PCDH11X: variants seen among roughly 807,000 people sequenced by gnomAD.
PCDH11X encodes the protein protocadherin-11 X-linked.
PCDH11X carries 18 observed loss-of-function variants against 53.3 expected under a neutral mutation model. That is an observed-to-expected ratio of 0.34 (90% CI 0.23 to 0.50). The LOEUF (loss-of-function observed/expected upper bound fraction) is 0.50. Ranked by LOEUF, PCDH11X falls within the 20% of genes least tolerant of loss-of-function variation. The pLI is 0.98. For missense variants in PCDH11X, 570 were observed against 1,032.4 expected (o/e 0.55, Z 6.14); for synonymous variants, 279 against 393.3 (o/e 0.71, Z 3.44).
intron 8 of PCDH11X, among the ~76,000 whole-genome samples, chrX:92,363,945 G>C (rs2070402657): frequency 9.0e-6 from 1 of 111,217 alleles, no homozygotes; most frequent in Non-Finnish European, 1.9e-5. Flanking sequence ...ATTCTGTTAG[G>C]TGGTATAGTA....
At chrX:92,158,468 C>T (rs1056556352) in intron 6 of PCDH11X, among the ~76,000 whole-genome samples, 8 of 108,194 alleles carry the variant, frequency 7.4e-5, no homozygotes, top group Admixed American at 2.0e-4. Context: ...TTAGATCATG[C>T]CACTGCACTC....
intron 5 of PCDH11X, among the ~76,000 whole-genome samples, chrX:91,853,390 A>T (rs1412586919): frequency 2.8e-5 from 3 of 108,914 alleles, no homozygotes. Context: ...ATGTTAATCA[A>T]ATATGAATGT....
intron 6 of PCDH11X, among the ~76,000 whole-genome samples, chrX:92,175,036 CG>C (rs2065883268): frequency 9.1e-6 from 1 of 110,395 alleles, no homozygotes; most frequent in Admixed American, 9.7e-5. Flanking sequence ...AGTGCAGTGG[CG>C]CCATCTTGGC....
chrX:92,272,350 A>G (rs988205633), intron 8 of PCDH11X, among the ~76,000 whole-genome samples: 4 of 111,707 alleles, frequency 3.6e-5, no homozygotes, highest in Non-Finnish European at 7.5e-5. Flanking sequence ...TCCTCGTTAT[A>G]CATTTAATAT....
At chrX:92,100,436 T>TGG (rs1341587583) in intron 6 of PCDH11X, among the ~76,000 whole-genome samples, 10 of 104,909 alleles carry the variant, frequency 9.5e-5, no homozygotes, top group African/African-American at 3.6e-4. Context: ...CGGGTAGGAG[T>TGG]GGGGGTCGCA....
chrX:91,939,698 T>TTA (rs1268103127), intron 6 of PCDH11X, among the ~76,000 whole-genome samples: 1 of 110,095 alleles, frequency 9.1e-6, no homozygotes, highest in Non-Finnish European at 1.9e-5. Context: ...AGGGCTGTCT[T>TTA]TAAAGTGCTG....
At chrX:92,241,701 C>A (rs1425955743) in intron 7 of PCDH11X, among the ~76,000 whole-genome samples, 4 of 111,808 alleles carry the variant, frequency 3.6e-5, no homozygotes, top group Non-Finnish European at 7.5e-5. Context: ...TCAGACATGA[C>A]AACTTGTTGG....
At chrX:92,307,761 G>C (rs1024936567) in intron 8 of PCDH11X, among the ~76,000 whole-genome samples, 1 of 98,107 alleles carries the variant, frequency 1.0e-5, no homozygotes, top group Non-Finnish European at 2.0e-5. Flanking sequence ...GCCTCAAGTT[G>C]TGAAAGTTCT....
chrX:92,248,406 C>T (rs2067392348), intron 7 of PCDH11X, among the ~76,000 whole-genome samples: 1 of 111,061 alleles, frequency 9.0e-6, no homozygotes, highest in Admixed American at 9.6e-5. Flanking sequence ...ACTTAAGGCC[C>T]ATACTAATGA....
intron 6 of PCDH11X, among the ~76,000 whole-genome samples, chrX:92,026,973 A>C (rs1282497169): frequency 1.0e-5 from 1 of 97,858 alleles, no homozygotes. Flanking sequence ...TGGGAATGTG[A>C]ATGTGATGAC....
chrX:91,861,614 C>A (rs1174633123), intron 5 of PCDH11X, among the ~76,000 whole-genome samples: 1 of 111,220 alleles, frequency 9.0e-6, no homozygotes, highest in Non-Finnish European at 1.9e-5. Flanking sequence ...ACTTGGTCAT[C>A]TTAGTCAGTC....
At chrX:92,216,250 C>A in intron 7 of PCDH11X, among the ~76,000 whole-genome samples, 1 of 110,899 alleles carries the variant, frequency 9.0e-6, no homozygotes, top group Middle Eastern at 4.7e-3. Flanking sequence ...GATCAAACTA[C>A]TCCGAGCTAC....
At chrX:92,262,076 A>G (rs976767514) in intron 7 of PCDH11X, among the ~76,000 whole-genome samples, 2 of 111,112 alleles carry the variant, frequency 1.8e-5, no homozygotes, top group South Asian at 7.5e-4. Context: ...TTGTAAACTC[A>G]AGTTATGTTA....
intron 6 of PCDH11X, among the ~76,000 whole-genome samples, chrX:92,104,542 A>C (rs1349471515): frequency 9.0e-6 from 1 of 111,173 alleles, no homozygotes; most frequent in Non-Finnish European, 1.9e-5. Context: ...TTTTCTGGCT[A>C]TTTGGAACTA....
chrX:92,602,915 C>T (rs867031862), intron 10 of PCDH11X, among the ~76,000 whole-genome samples: 2 of 83,710 alleles, frequency 2.4e-5, no homozygotes, highest in Admixed American at 1.3e-4. Context: ...GCAACAAAAA[C>T]TAACTGTGAG....
intron 5 of PCDH11X, among the ~76,000 whole-genome samples, chrX:91,836,681 CAG>C (rs1014052993): frequency 4.5e-5 from 5 of 110,938 alleles, no homozygotes; most frequent in East Asian, 2.8e-4. Flanking sequence ...TATTTGAAAA[CAG>C]AGTGTTCATT....
chrX:92,262,254 A>G (rs2067732618), intron 7 of PCDH11X, among the ~76,000 whole-genome samples: 1 of 111,440 alleles, frequency 9.0e-6, no homozygotes. Flanking sequence ...GATTCTTTGT[A>G]TTCAAGAAGA....
intron 6 of PCDH11X, among the ~76,000 whole-genome samples, chrX:91,958,198 G>A (rs1286506216): frequency 8.9e-6 from 1 of 112,191 alleles, no homozygotes; most frequent in Non-Finnish European, 1.9e-5. Context: ...ACTCATCTCA[G>A]GCAGACTGCA....
At chrX:92,187,510 C>G (rs2066119252) in intron 6 of PCDH11X, among the ~76,000 whole-genome samples, 1 of 111,282 alleles carries the variant, frequency 9.0e-6, no homozygotes, top group African/African-American at 3.3e-5. Context: ...CTGCCTGTCA[C>G]AGAAGGTTGA....
Sources: gnomAD v4.1 joint callset for allele counts (sites outside exome capture counted in the v4.1 genomes callset) on GRCh38, gnomAD v4.1.1 for gene constraint, MANE v1.5 for transcripts, NCBI Gene and HGNC (gene_info 2026-07-23, HGNC 2026-07-21) for gene names.